The following C12orf54 variants were observed in gnomAD, a reference collection of about 807,000 sequenced individuals.
C12orf54 encodes the protein chromosome 12 open reading frame 54, also known as uncharacterized protein C12orf54.
C12orf54 carries 24 observed loss-of-function variants against 26.4 expected under a neutral mutation model. The observed-to-expected ratio is 0.91, with a 90% CI of 0.66 to 1.28. The LOEUF (loss-of-function observed/expected upper bound fraction) is 1.28, where lower values mean the gene tolerates loss of function less well. C12orf54 is among the 50% of genes most tolerant of loss of function. The pLI, the probability that C12orf54 is intolerant of heterozygous loss-of-function variation, is 0.00. For synonymous variants in C12orf54, 54 were observed against 47.0 expected, an observed-to-expected ratio of 1.15 and a Z score of -0.61; for missense variants, 154 against 150.9, an observed-to-expected ratio of 1.02 and a Z score of -0.11.
the C12orf54 span, among the ~76,000 whole-genome samples, chr12:48,458,337 T>C: frequency 6.6e-6 from 1 of 152,338 alleles, no homozygotes; most frequent in African/African-American, 2.4e-5. Context: ...CTGAGCTATA[T>C]GCATTGAAAA....
At chr12:48,441,322 A>C in the C12orf54 span, among the ~76,000 whole-genome samples, 1 of 152,154 alleles carries the variant, frequency 6.6e-6, no homozygotes, top group Non-Finnish European at 1.5e-5. Context: ...TCTCCTTTAG[A>C]CTAAAATTCC....
At chr12:48,478,530 G>A (rs1268329276), upstream of C12orf54, among the ~76,000 whole-genome samples, 1 of 152,136 alleles carries the variant, frequency 6.6e-6, no homozygotes, top group African/African-American at 2.4e-5. Flanking sequence ...TCCTCAAGCT[G>A]ATAAGCAACT....
chr12:48,434,787 G>A, the C12orf54 span, among the ~76,000 whole-genome samples: 38 of 152,166 alleles, frequency 2.5e-4, no homozygotes, highest in African/African-American at 8.9e-4. Context: ...AAGACCAAAG[G>A]TAGATAAAAC....
chr12:48,486,304 A>AG, intron 3 of C12orf54, 96 bp downstream of exon 3: 1 of 1,291,940 alleles, frequency 7.7e-7, no homozygotes. Context: ...CCAAAAAAAA[A>AG]AGCTACCTGA....
At chr12:48,423,676 A>G in the C12orf54 span, among the ~76,000 whole-genome samples, 1 of 152,112 alleles carries the variant, frequency 6.6e-6, no homozygotes. Context: ...TTGCTAGTAT[A>G]TAGAAATACA....
At chr12:48,473,586 G>A in the C12orf54 span, 1 of 294,356 alleles carries the variant, frequency 3.4e-6, no homozygotes, top group Non-Finnish European at 6.7e-6. Flanking sequence ...GAGGGGAGGA[G>A]GGGGTGGAAT....
chr12:48,439,448 C>T, the C12orf54 span, among the ~76,000 whole-genome samples: 98 of 152,252 alleles, frequency 6.4e-4, no homozygotes, highest in East Asian at 0.017. Flanking sequence ...CACATGCACA[C>T]GTATGTTTAT....
At chr12:48,482,185 GA>G (rs1359659442), upstream of C12orf54, among the ~76,000 whole-genome samples, 13 of 152,210 alleles carry the variant, frequency 8.5e-5, no homozygotes, top group Admixed American at 8.5e-4. Context: ...CCTAGCTCTT[GA>G]AATTGAAAGC....
At chr12:48,493,096 G>A (rs1034859640) in intron 7 of C12orf54, 101 bp downstream of exon 7, 74 of 1,098,776 alleles carry the variant, frequency 6.7e-5, no homozygotes, top group Non-Finnish European at 9.9e-5. Context: ...TGAGCCTTCA[G>A]AAGCCTGTGC....
At chr12:48,430,897 C>T in the C12orf54 span, among the ~76,000 whole-genome samples, 3 of 150,584 alleles carry the variant, frequency 2.0e-5, no homozygotes, top group African/African-American at 7.3e-5. Flanking sequence ...GGAACCAACA[C>T]AAATGCCCAT....
chr12:48,448,614 C>G, the C12orf54 span, among the ~76,000 whole-genome samples: 13 of 152,184 alleles, frequency 8.5e-5, no homozygotes, highest in South Asian at 2.3e-3. Flanking sequence ...AATAACAAGC[C>G]CTTTTTCTCT....
the C12orf54 span, among the ~76,000 whole-genome samples, chr12:48,422,860 A>G: frequency 6.6e-6 from 1 of 152,156 alleles, no homozygotes; most frequent in Non-Finnish European, 1.5e-5. Context: ...TCTTGAGAAT[A>G]GACAAGAAAG....
At chr12:48,466,385 A>G in the C12orf54 span, among the ~76,000 whole-genome samples, 6 of 152,246 alleles carry the variant, frequency 3.9e-5, no homozygotes, top group African/African-American at 1.2e-4. Flanking sequence ...TCTAATAAAA[A>G]TACAAAAATT....
At chr12:48,492,742 G>A (rs182389162) in intron 6 of C12orf54, among the ~76,000 whole-genome samples, 168 of 152,334 alleles carry the variant, frequency 1.1e-3, no homozygotes, top group Non-Finnish European at 1.9e-3. Flanking sequence ...CAGTGGCCAT[G>A]ATCCGCTCTG....
At chr12:48,457,303 TG>T in the C12orf54 span, among the ~76,000 whole-genome samples, 1 of 151,674 alleles carries the variant, frequency 6.6e-6, no homozygotes, top group African/African-American at 2.4e-5. Context: ...GTGGTGGTGG[TG>T]GTGGTGGTTT....
At chr12:48,414,766 T>G in the C12orf54 span, among the ~76,000 whole-genome samples, 1 of 152,142 alleles carries the variant, frequency 6.6e-6, no homozygotes, top group African/African-American at 2.4e-5. Flanking sequence ...CTCCTGCCAC[T>G]TTTGTGGTCT....
At chr12:48,440,023 G>A in the C12orf54 span, among the ~76,000 whole-genome samples, 3 of 152,228 alleles carry the variant, frequency 2.0e-5, no homozygotes, top group East Asian at 1.9e-4. Flanking sequence ...TCAGGAGTTC[G>A]AGACCAGCCT....
chr12:48,481,250 T>A (rs1239465249), upstream of C12orf54, among the ~76,000 whole-genome samples: 1 of 151,766 alleles, frequency 6.6e-6, no homozygotes, highest in African/African-American at 2.4e-5. Flanking sequence ...CTTGGGGTGG[T>A]TTGAGAGAGG....
chr12:48,468,351 A>T, the C12orf54 span, among the ~76,000 whole-genome samples: 28 of 152,156 alleles, frequency 1.8e-4, no homozygotes, highest in African/African-American at 6.8e-4. Context: ...AGCAGAATGG[A>T]CAGGTGGAGT....
Sources: gnomAD v4.1 joint callset for allele counts (sites outside exome capture counted in the v4.1 genomes callset) on GRCh38, gnomAD v4.1.1 for gene constraint, MANE v1.5 for transcripts, NCBI Gene and HGNC (gene_info 2026-07-23, HGNC 2026-07-21) for gene names.